The following SV2B variants were observed in gnomAD, a reference collection of about 807,000 sequenced individuals.
The protein encoded by SV2B is solute carrier family 22 member B2.
Under a neutral mutation model 73.9 loss-of-function variants are expected in SV2B, and 41 were observed. That is an observed-to-expected ratio of 0.56 (90% CI 0.43 to 0.72). SV2B has a LOEUF of 0.72. Among genes scored for constraint, SV2B ranks in the 30% least tolerant of loss-of-function variants. SV2B has a pLI of 0.00. For synonymous variants in SV2B, 314 were observed against 314.2 expected (o/e 1.00, Z 0.01); for missense variants, 764 against 857.8 (o/e 0.89, Z 1.37).
intron 1 of SV2B, among the ~76,000 whole-genome samples, chr15:91,212,491 G>T (rs1450264886): frequency 3.3e-5 from 5 of 152,152 alleles, no homozygotes; most frequent in Non-Finnish European, 7.3e-5. Context: ...ACTCAAGTTT[G>T]CTAAGATTCA....
rs1394953789 is a variant in SV2B at position 91,229,918 on chromosome 15, G to C, written c.451+3204G>C. 6.6e-6 allele frequency among the ~76,000 whole-genome samples: 1 copy of C among 152,214 alleles called. No homozygotes were observed. The highest frequency in any genetic ancestry group is 3.2e-3 in the Middle Eastern group (1 of 316). On this transcript the variant is annotated intron_variant, in intron 2 of 12. Transcript: ENST00000394232. This position sits in a 1 kb window ranked among gnomAD's most constrained non-coding sequence, Gnocchi z 4.3. The stretch of plus-strand genomic sequence containing the variant: ...GTTTGAGTGCTGCTAACTCAGTTCT[G>C]TCTTTCCCCATCCTCTCTCTGTTTT...
At chr15:91,179,792 C>T (rs1278681363) in intron 1 of SV2B, among the ~76,000 whole-genome samples, 2 of 151,976 alleles carry the variant, frequency 1.3e-5, no homozygotes, top group Non-Finnish European at 2.9e-5. Flanking sequence ...GTGTCTCTGC[C>T]CGTGAGCTGG....
At chr15:91,146,090 T>C (rs1567289510) in intron 1 of SV2B, among the ~76,000 whole-genome samples, 1 of 152,224 alleles carries the variant, frequency 6.6e-6, no homozygotes, top group African/African-American at 2.4e-5. Context: ...GCCTAGGTTG[T>C]CTTCCAGAGT....
In SV2B at chr15:91,252,557, T is replaced by A; in HGVS notation, c.784+37T>A. 6.5e-7 allele frequency: 1 copy of A among 1,548,052 alleles called. No homozygotes were observed. The highest frequency in any genetic ancestry group is 8.7e-7 in the Non-Finnish European group (1 of 1,146,396). On this transcript the variant is annotated intron_variant, in intron 4 of 12. Coordinates refer to ENST00000394232, the MANE Select transcript of SV2B (RefSeq NM_001323032.3). This position sits in a 1 kb window ranked among gnomAD's most constrained non-coding sequence, Gnocchi z 4.6. The stretch of plus-strand genomic sequence containing the variant: ...CTCCAAACAGCCTAGGGGGCCCTGT[T>A]TCTATGGCTCCTGCACCCAAACAAT...
At position 91,179,208 on chromosome 15, in the gene SV2B, T is replaced by A. The variant is rs2044449839; in HGVS notation, c.-391-46665T>A. Reference sequence around the variant, plus strand: ...TTCCATGTAGTTGAGTGGTTTTGAGTGAGTTTCTTAATCCTGAGTTCTAGT... The same window carrying A: ...TTCCATGTAGTTGAGTGGTTTTGAGAGAGTTTCTTAATCCTGAGTTCTAGT... On this transcript the variant is annotated intron_variant, in intron 1 of 12. Transcript: ENST00000394232. Among the ~76,000 whole-genome samples, 4 of 152,308 alleles carry A rather than the reference T, an allele frequency of 2.6e-5. No homozygotes were observed. The South Asian group carries it at 8.3e-4, about 32-fold the overall frequency.
chr15:91,181,592 A>G, intron 1 of SV2B, among the ~76,000 whole-genome samples: 1 of 151,916 alleles, frequency 6.6e-6, no homozygotes, highest in East Asian at 1.9e-4. Context: ...ATGTAAGAAC[A>G]CTATTTCTTA....
In SV2B at chr15:91,137,917, A is replaced by G. The variant is rs184890937; in HGVS notation, c.-392+37554A>G. Among the ~76,000 whole-genome samples, 123 of 152,264 alleles carry G rather than the reference A, an allele frequency of 8.1e-4. 1 individual carries two copies. The highest frequency in any genetic ancestry group is 1.0e-3 in the South Asian group (5 of 4,820). On this transcript the variant is annotated intron_variant, in intron 1 of 12. Transcript: ENST00000394232. This position sits in a 1 kb window ranked among gnomAD's most constrained non-coding sequence, Gnocchi z 4.9. Reference sequence around the variant, plus strand: ...CCAATACAAACTATATCTCAGGACAACCAAATGATAGATGAGGGGAATTTG... The same window carrying G: ...CCAATACAAACTATATCTCAGGACAGCCAAATGATAGATGAGGGGAATTTG...
intron 1 of SV2B, among the ~76,000 whole-genome samples, chr15:91,109,355 G>T (rs890679971): frequency 1.3e-5 from 2 of 152,246 alleles, no homozygotes; most frequent in African/African-American, 4.8e-5. Flanking sequence ...CTGGGAGCTT[G>T]GTGCTGTTAA....
intron 1 of SV2B, among the ~76,000 whole-genome samples, chr15:91,222,504 C>T (rs1452333937): frequency 1.3e-5 from 2 of 152,164 alleles, no homozygotes; most frequent in Non-Finnish European, 2.9e-5. Context: ...TGTCATAGTC[C>T]TGTAATGCCT....
intron 1 of SV2B, among the ~76,000 whole-genome samples, chr15:91,165,801 C>T (rs931307114): frequency 6.6e-6 from 1 of 152,170 alleles, no homozygotes; most frequent in Non-Finnish European, 1.5e-5. Flanking sequence ...GAAAAATAGT[C>T]AATTATGTTT....
Position 91,240,535 on chromosome 15 carries a change from A to C in SV2B, c.452-11284A>C, listed in dbSNP as rs1015885776. Among the ~76,000 whole-genome samples, 4 of 152,138 alleles carry C rather than the reference A, an allele frequency of 2.6e-5. No homozygotes were observed. The highest frequency in any genetic ancestry group is 4.8e-5 in the African/African-American group (2 of 41,428). ...TTTTAATAAAGAAAAAGGCTAAAAA[A>C]CCCCAAAAAACCAAGATGGCTCTCT... On this transcript the variant is annotated intron_variant, in intron 2 of 12. Transcript: ENST00000394232. This position sits in a 1 kb window ranked among gnomAD's most constrained non-coding sequence, Gnocchi z 4.6.
At position 91,203,085 on chromosome 15, in the gene SV2B, G is replaced by T. The variant is rs8041537; in HGVS notation, c.-391-22788G>T. The stretch of plus-strand genomic sequence containing the variant: ...CTGCATTATTTAATCCAGCAGTTAG[G>T]TGCCTGCCTAAGAACCTCTAGTGAG... On this transcript the variant is annotated intron_variant, in intron 1 of 12. Transcript: ENST00000394232. Among the ~76,000 whole-genome samples the T allele has an allele frequency of 4.9e-3, 749 of 152,304 alleles. 5 individuals are homozygous for T. The highest frequency in any genetic ancestry group is 0.017 in the African/African-American group (711 of 41,552).
chr15:91,126,890 A>G (rs1487465437), intron 1 of SV2B, among the ~76,000 whole-genome samples: 1 of 152,238 alleles, frequency 6.6e-6, no homozygotes, highest in African/African-American at 2.4e-5. Flanking sequence ...CCCACAGTGA[A>G]CAACGTCATA....
chr15:91,126,123 C>A (rs576474462), intron 1 of SV2B, among the ~76,000 whole-genome samples: 1 of 152,300 alleles, frequency 6.6e-6, no homozygotes, highest in South Asian at 2.1e-4. Flanking sequence ...GATGTTGGCA[C>A]TGAGTTCCAA....
chr15:91,206,751 G>C (rs1567344052), intron 1 of SV2B, among the ~76,000 whole-genome samples: 1 of 152,120 alleles, frequency 6.6e-6, no homozygotes, highest in Non-Finnish European at 1.5e-5. Context: ...CCTAGTACCT[G>C]TTATGTTTTC....
chr15:91,210,202 G>C (rs1013997643), intron 1 of SV2B, among the ~76,000 whole-genome samples: 5 of 152,066 alleles, frequency 3.3e-5, no homozygotes, highest in Non-Finnish European at 5.9e-5. Context: ...GGGACTGCAA[G>C]ATAATCTGTG....
chr15:91,120,148 C>G (rs549024260), intron 1 of SV2B, among the ~76,000 whole-genome samples: 1 of 152,260 alleles, frequency 6.6e-6, no homozygotes, highest in Admixed American at 6.5e-5. Flanking sequence ...CTACCTGAGA[C>G]TGGGAAATTT....
Position 91,208,089 on chromosome 15 carries a change from A to G in SV2B, c.-391-17784A>G, listed in dbSNP as rs140837539. Reference sequence around the variant, plus strand: ...GTTTTCTCAATTTCCAAGGTGCCATATTTTTGGGTAACATTTTCTGCACCC... The same window carrying G: ...GTTTTCTCAATTTCCAAGGTGCCATGTTTTTGGGTAACATTTTCTGCACCC... On this transcript the variant is annotated intron_variant, in intron 1 of 12. Coordinates refer to ENST00000394232, the MANE Select transcript of SV2B (RefSeq NM_001323032.3). Among the ~76,000 whole-genome samples the G allele has an allele frequency of 2.7e-3, 405 of 152,188 alleles. 3 individuals are homozygous for G. Among genetic ancestry groups the G allele is most frequent in the African/African-American group, 9.4e-3 (392 of 41,520 alleles).
chr15:91,215,450 A>G (rs1414123551), intron 1 of SV2B, among the ~76,000 whole-genome samples: 3 of 152,194 alleles, frequency 2.0e-5, no homozygotes, highest in African/African-American at 7.2e-5. Flanking sequence ...GGATCACACT[A>G]GAAAACAAAT....
Sources: allele counts gnomAD v4.1 joint callset (sites outside exome capture counted in the v4.1 genomes callset), GRCh38; gene constraint gnomAD v4.1.1; non-coding constraint Gnocchi (gnomAD v3.1); transcripts MANE v1.5; gene names NCBI Gene and HGNC (gene_info 2026-07-23, HGNC 2026-07-21).